The following LONP2 variants were observed in gnomAD, a reference collection of about 807,000 sequenced individuals.
LONP2 encodes lon protease homolog 2, peroxisomal.
A neutral mutation model predicts 85.6 loss-of-function variants in LONP2; 60 were observed. The ratio of observed to expected loss-of-function variants is 0.70; its 90% CI spans 0.57 to 0.87. The LOEUF (loss-of-function observed/expected upper bound fraction) is 0.87. Ranked by LOEUF, LONP2 falls within the 40% of genes least tolerant of loss-of-function variation. LONP2 has a pLI of 0.00. For missense variants in LONP2, 860 were observed against 1,063.5 expected, an observed-to-expected ratio of 0.81 and a Z score of 2.66; for synonymous variants, 395 against 389.7, an observed-to-expected ratio of 1.01 and a Z score of -0.16.
At chr16:48,320,843 A>G (rs1452128919) in intron 11 of LONP2, among the ~76,000 whole-genome samples, 1 of 152,246 alleles carries the variant, frequency 6.6e-6, no homozygotes, top group Non-Finnish European at 1.5e-5. Flanking sequence ...ATAGGAGCCA[A>G]ACATTTGTTA....
chr16:48,288,311 G>A (rs1053308709), intron 8 of LONP2, among the ~76,000 whole-genome samples: 3 of 151,770 alleles, frequency 2.0e-5, no homozygotes, highest in Non-Finnish European at 2.9e-5. Flanking sequence ...GTGCCACCAC[G>A]CCTGACTAAT....
Position 48,347,657 on chromosome 16 carries a change from GC to G in LONP2, c.2092del (p.His698ThrfsTer16). On this transcript the variant is annotated frameshift_variant, in exon 13 of 15. Transcript: ENST00000285737. LOFTEE classifies it high-confidence loss of function. Reference protein sequence around the residue: ...GQLGDVMKESAHLAISWLRSN... With the variant: ...GQLGDVMKESXHLAISWLRSN... The stretch of plus-strand genomic sequence containing the variant: ...GCTCGGGGACGTGATGAAGGAGTCC[GC>G]CCACCTCGCTATCAGCTGGCTCCGC... 1 of 1,614,192 alleles carries G rather than the reference GC, an allele frequency of 6.2e-7. No homozygotes were observed. The highest frequency in any genetic ancestry group is 8.5e-7 in the Non-Finnish European group (1 of 1,180,040).
chr16:48,341,137 C>G (rs528493682), intron 12 of LONP2, among the ~76,000 whole-genome samples: 2 of 151,962 alleles, frequency 1.3e-5, no homozygotes, highest in African/African-American at 2.4e-5. Flanking sequence ...CCTGTCTCTA[C>G]TAAAAATACA....
In LONP2 at chr16:48,298,627, G is replaced by GTGTA. The variant is rs1972728623; in HGVS notation, c.1535-1032_1535-1031insATGT. 1.0e-3 allele frequency among the ~76,000 whole-genome samples: 3 copies of GTGTA among 2,908 alleles called. No homozygotes were observed. In the South Asian group the frequency reaches 0.027, roughly 26 times the overall value. 1.9% of individuals were successfully genotyped at this position (2,908 alleles called of 152,430 possible). A position where few individuals can be genotyped will look rare whatever the true frequency, so the allele number is the denominator to read the frequency against. ...GGAACCCACTGCTTATTTAATTGAG[G>GTGTA]TGTGTGTGTGTGTGTGTGTGTGTGT... On this transcript the variant is annotated intron_variant, in intron 9 of 14. Transcript: ENST00000285737.
chr16:48,337,504 A>G (rs941727169), intron 12 of LONP2, among the ~76,000 whole-genome samples: 28 of 152,212 alleles, frequency 1.8e-4, no homozygotes, highest in Non-Finnish European at 7.3e-5. Context: ...GAGTATTTAA[A>G]TAACTTGAGA....
chr16:48,268,822 T>G (rs1011981756), intron 6 of LONP2, among the ~76,000 whole-genome samples: 2 of 152,200 alleles, frequency 1.3e-5, no homozygotes, highest in African/African-American at 4.8e-5. Context: ...CTAGGTTTTT[T>G]GGGGGACTAG....
rs79920838 is a variant in LONP2 at position 48,323,477 on chromosome 16, A to G, written c.1796-10739A>G. On this transcript the variant is annotated intron_variant, in intron 11 of 14. Transcript: ENST00000285737. Reference sequence around the variant, plus strand: ...CAAGATTAACCTGGCCAACATGGCAAAACCCCGTCTCTACTAAAAATACAA... The same window carrying G: ...CAAGATTAACCTGGCCAACATGGCAGAACCCCGTCTCTACTAAAAATACAA... Among the ~76,000 whole-genome samples the G allele has an allele frequency of 6.7e-3, 1,027 of 152,284 alleles. 41 individuals carry two copies. In the East Asian group the frequency reaches 0.11, roughly 17 times the overall value.
intron 11 of LONP2, among the ~76,000 whole-genome samples, chr16:48,322,507 A>C (rs1263013018): frequency 6.6e-6 from 1 of 152,122 alleles, no homozygotes; most frequent in Admixed American, 6.6e-5. Flanking sequence ...CTACCTTCTG[A>C]AGGACCTGCC....
chr16:48,359,716 CA>C (rs958414218), downstream of LONP2, among the ~76,000 whole-genome samples: 56 of 133,734 alleles, frequency 4.2e-4, no homozygotes, highest in Admixed American at 1.7e-3. Context: ...AACTCCGTCT[CA>C]AAAAAAAAAA....
At chr16:48,338,800 T>C (rs577758439) in intron 12 of LONP2, among the ~76,000 whole-genome samples, 220 of 152,116 alleles carry the variant, frequency 1.4e-3, no homozygotes, top group African/African-American at 5.0e-3. Flanking sequence ...CACAACTACT[T>C]GGGAGGCTGA....
At chr16:48,328,564 G>A (rs993203534) in intron 11 of LONP2, among the ~76,000 whole-genome samples, 1 of 151,850 alleles carries the variant, frequency 6.6e-6, no homozygotes, top group South Asian at 2.1e-4. Flanking sequence ...TGTAATCTCA[G>A]CTTCTCAGGA....
intron 11 of LONP2, among the ~76,000 whole-genome samples, chr16:48,327,175 T>C (rs1327826553): frequency 6.6e-6 from 1 of 152,228 alleles, no homozygotes; most frequent in East Asian, 1.9e-4. Context: ...TCCGTGGTTA[T>C]GCCCCAACTA....
At chr16:48,349,286 A>G (rs761563772) in intron 14 of LONP2, among the ~76,000 whole-genome samples, 4 of 151,138 alleles carry the variant, frequency 2.6e-5, no homozygotes, top group Non-Finnish European at 5.9e-5. Context: ...TCTTTTTTCT[A>G]TCGAGATGGA....
chr16:48,251,464 G>C (rs942400112), intron 1 of LONP2, among the ~76,000 whole-genome samples: 1 of 152,136 alleles, frequency 6.6e-6, no homozygotes, highest in Non-Finnish European at 1.5e-5. Context: ...CCTATTGTTA[G>C]GTAAAATGAT....
intron 6 of LONP2, among the ~76,000 whole-genome samples, chr16:48,263,259 G>A (rs1459857842): frequency 1.3e-5 from 2 of 152,142 alleles, no homozygotes; most frequent in Non-Finnish European, 2.9e-5. Flanking sequence ...TATTGTTAGC[G>A]ATAGGCACTT....
chr16:48,249,725 A>C (rs1971580471), intron 1 of LONP2, among the ~76,000 whole-genome samples: 1 of 152,062 alleles, frequency 6.6e-6, no homozygotes, highest in African/African-American at 2.4e-5. Flanking sequence ...AAAAAAGAAA[A>C]AAAAATTTTT....
chr16:48,259,289 ATATTATT>A (rs1371646336), intron 4 of LONP2, among the ~76,000 whole-genome samples: 8 of 152,182 alleles, frequency 5.3e-5, no homozygotes, highest in South Asian at 2.1e-4. Flanking sequence ...TTTAACCCAT[ATATTATT>A]TTGAAGACAG....
At position 48,347,963 on chromosome 16, in the gene LONP2, C is replaced by A. The variant is rs74017928; in HGVS notation, c.2147-137C>A. On this transcript the variant is annotated intron_variant, in intron 13 of 14. Coordinates refer to ENST00000285737, the MANE Select transcript of LONP2 (RefSeq NM_031490.5). ...TGGAACTGTTCTTCCACACCCTCAC[C>A]CAAATTGTACTGTCCACCAATATTT... 22 of 823,440 alleles carry A rather than the reference C, an allele frequency of 2.7e-5. No homozygotes were observed. The East Asian group carries it at 3.7e-4, about 14-fold the overall frequency. The allele number at this position is 823,440 out of a possible 1,614,324, so 51.0% of individuals were successfully genotyped here.
At chr16:48,330,056 C>T (rs1298919363) in intron 11 of LONP2, among the ~76,000 whole-genome samples, 1 of 152,222 alleles carries the variant, frequency 6.6e-6, no homozygotes, top group African/African-American at 2.4e-5. Context: ...AAGATTGAAC[C>T]AGTTTATACT....
Sources: gnomAD v4.1 joint callset for allele counts (sites outside exome capture counted in the v4.1 genomes callset) on GRCh38, gnomAD v4.1.1 for gene constraint, MANE v1.5 for transcripts, NCBI Gene and HGNC (gene_info 2026-07-23, HGNC 2026-07-21) for gene names.